IBTK: variants seen among roughly 807,000 people sequenced by gnomAD.
IBTK encodes the protein inhibitor of Bruton tyrosine kinase.
IBTK carries 83 observed loss-of-function variants against 154.9 expected under a neutral mutation model. The observed-to-expected ratio is 0.54, with a 90% CI of 0.45 to 0.64. The LOEUF is 0.64. IBTK is among the 30% of genes least tolerant of loss of function. IBTK has a pLI of 0.00. For synonymous variants in IBTK, 515 were observed against 536.1 expected, an observed-to-expected ratio of 0.96 and a Z score of 0.54; for missense variants, 1,332 against 1,584.6, an observed-to-expected ratio of 0.84 and a Z score of 2.71.
At chr6:82,210,942 A>C (rs571183019) in intron 15 of IBTK, 32 bp from the exon 16 acceptor site, 1 of 1,241,770 alleles carries the variant, frequency 8.1e-7, no homozygotes, top group Admixed American at 2.3e-5. Flanking sequence ...AAAGTAAAAT[A>C]ATTCATTCTA....
chr6:82,226,080 T>C (rs925694411), intron 5 of IBTK, among the ~76,000 whole-genome samples: 1 of 152,226 alleles, frequency 6.6e-6, no homozygotes, highest in African/African-American at 2.4e-5. Context: ...ATCTTACTTC[T>C]GTCACTACCT....
At chr6:82,181,826 C>T (rs2127799226) in intron 26 of IBTK, 53 bp downstream of exon 26, 1 of 1,284,590 alleles carries the variant, frequency 7.8e-7, no homozygotes, top group Non-Finnish European at 1.1e-6. Context: ...CATAAAACCA[C>T]CACAGAATAT....
At chr6:82,215,623 C>T (rs151254437) in intron 11 of IBTK, among the ~76,000 whole-genome samples, 1,646 of 151,876 alleles carry the variant, frequency 0.011, 31 homozygotes, top group African/African-American at 0.037. Flanking sequence ...CCCATCTCTA[C>T]TAAAAATACA....
intron 18 of IBTK, 125 bp downstream of exon 18, chr6:82,202,403 G>A: frequency 1.5e-6 from 1 of 672,686 alleles, no homozygotes; most frequent in Non-Finnish European, 2.6e-6. Context: ...TAAATCATCA[G>A]CATTGATCAA....
intron 2 of IBTK, 89 bp from the exon 3 acceptor site, chr6:82,234,344 T>C (rs557231912): frequency 2.1e-4 from 94 of 438,016 alleles, no homozygotes; most frequent in African/African-American, 1.7e-3. Context: ...TTATTATTTT[T>C]TTTTTTTTGA....
intron 1 of IBTK, among the ~76,000 whole-genome samples, chr6:82,246,269 A>G (rs948572833): frequency 6.6e-6 from 1 of 152,068 alleles, no homozygotes; most frequent in Non-Finnish European, 1.5e-5. Context: ...TGGAGACTCA[A>G]GCGATTCTGC....
chr6:82,189,486 C>G (rs1768682661), intron 25 of IBTK, among the ~76,000 whole-genome samples: 1 of 152,170 alleles, frequency 6.6e-6, no homozygotes, highest in Non-Finnish European at 1.5e-5. Context: ...CTTATACATC[C>G]TTTATCAGAA....
intron 2 of IBTK, among the ~76,000 whole-genome samples, chr6:82,234,626 A>C (rs1770648823): frequency 6.6e-6 from 1 of 151,792 alleles, no homozygotes; most frequent in East Asian, 2.0e-4. Context: ...CTGAGCCACC[A>C]CACCTGGCCG....
chr6:82,216,200 C>G lies in IBTK; in HGVS notation c.1477G>C (p.Asp493His). ...ATTCTTTCATACACACTATTTATAT[C>G]AGAGACATAAGACACATCTGATGAG... ...NSSSDVSYVS[D>H]INSVYERIRL... is the part of the protein sequence containing the mutation. Residue 493 changes from aspartate to histidine, a missense_variant, in exon 11 of 29, where the codon GAT becomes CAT. This residue lies in a region of IBTK where 1,134 missense variants were observed against 1,274.7 expected (regional missense o/e 0.89). Coordinates refer to ENST00000306270, the MANE Select transcript of IBTK (RefSeq NM_015525.4). 1 of 1,609,752 alleles carries G rather than the reference C, an allele frequency of 6.2e-7. No homozygotes were observed. Among genetic ancestry groups the G allele is most frequent in the Non-Finnish European group, 8.5e-7 (1 of 1,178,028 alleles).
chr6:82,194,508 G>A lies in IBTK; in HGVS notation c.3309C>T (p.Ser1103=), dbSNP rs1193168057. 3 of 1,597,468 alleles carry A rather than the reference G, an allele frequency of 1.9e-6. No individual in the cohort carries two copies. The highest frequency in any genetic ancestry group is 1.7e-5 in the Admixed American group (1 of 58,542). The change falls in exon 23 of 29, where the codon AGC becomes AGT. Residue 1103 remains serine (S), a synonymous_variant. Transcript: ENST00000306270. ...PIPSNRIDTT[S]SASWVAGSFS... is the part of the protein sequence containing the mutation. ...AAGAACCAGCAACCCAACTGGCAGA[G>A]CTGGTAGTATCAATTCTGTTACTGG... is the stretch of plus-strand genomic sequence containing the variant.
intron 18 of IBTK, 68 bp from the exon 19 acceptor site, chr6:82,201,550 T>A (rs1392697439): frequency 9.6e-7 from 1 of 1,037,096 alleles, no homozygotes; most frequent in Non-Finnish European, 1.4e-6. Context: ...GTTGCTTACA[T>A]ACGTAGATAT....
At position 82,240,729 on chromosome 6, in the gene IBTK, A is replaced by C; in HGVS notation, c.-243T>G. 2.1e-6 allele frequency: 1 copy of C among 480,586 alleles called. No homozygotes were observed. The highest frequency in any genetic ancestry group is 4.6e-5 in the South Asian group (1 of 21,544). The allele number at this position is 480,586 out of a possible 1,614,324, so 29.8% of individuals were successfully genotyped here. A position where few individuals can be genotyped will look rare whatever the true frequency, so the allele number is the denominator to read the frequency against. On this transcript the variant is annotated 5_prime_UTR_variant, in exon 2 of 29. Coordinates refer to ENST00000306270, the MANE Select transcript of IBTK (RefSeq NM_015525.4). ...ATCAAATACAAGTTCTTCATTTAAAAAAATTCCACAGTTTATAAATTATTC... is the reference window on the plus strand; with the variant it reads ...ATCAAATACAAGTTCTTCATTTAAACAAATTCCACAGTTTATAAATTATTC...
chr6:82,219,026 C>T (rs772793200), intron 9 of IBTK, among the ~76,000 whole-genome samples: 16 of 152,080 alleles, frequency 1.1e-4, no homozygotes, highest in Non-Finnish European at 2.2e-4. Flanking sequence ...TGATACACAT[C>T]CCAAAATCAA....
intron 25 of IBTK, among the ~76,000 whole-genome samples, chr6:82,185,182 C>T (rs1189388204): frequency 4.0e-5 from 2 of 49,930 alleles, no homozygotes; most frequent in African/African-American, 8.2e-5. Context: ...AACTCTGTCT[C>T]AGAAAAAAAA....
At chr6:82,176,705 A>T (rs1238131462) in intron 26 of IBTK, among the ~76,000 whole-genome samples, 1 of 152,194 alleles carries the variant, frequency 6.6e-6, no homozygotes, top group African/African-American at 2.4e-5. Context: ...CCCTCAAACA[A>T]CATTGTCATT....
At chr6:82,195,768 T>C (rs1489199546) in intron 22 of IBTK, among the ~76,000 whole-genome samples, 1 of 152,168 alleles carries the variant, frequency 6.6e-6, no homozygotes, top group Non-Finnish European at 1.5e-5. Flanking sequence ...TGGAATCAAA[T>C]GTTAAGGAGT....
intron 1 of IBTK, among the ~76,000 whole-genome samples, chr6:82,241,753 G>C (rs1770960459): frequency 6.6e-6 from 1 of 152,180 alleles, no homozygotes; most frequent in Admixed American, 6.5e-5. Flanking sequence ...AGAAAAATTT[G>C]CCTCAATATA....
chr6:82,225,428 G>T, intron 6 of IBTK, 49 bp downstream of exon 6: 1 of 1,478,558 alleles, frequency 6.8e-7, no homozygotes, highest in Non-Finnish European at 9.3e-7. Flanking sequence ...TGTTCATACA[G>T]GTTTTATTGC....
Position 82,223,601 on chromosome 6 carries a change from A to G in IBTK, c.963T>C (p.Asn321=), listed in dbSNP as rs1272325137. The change falls in exon 8 of 29, where the codon AAT becomes AAC. Residue 321 remains asparagine, a synonymous_variant. Coordinates refer to ENST00000306270, the MANE Select transcript of IBTK (RefSeq NM_015525.4). ...GGQLGCLLDP[N]GEKCVTAPRQ... is the part of the protein sequence containing the mutation. Reference sequence around the variant, plus strand: ...GAGGAGCAGTTACACACTTTTCTCCATTGGGATCTAGCAAACAACCTAAAA... The same window carrying G: ...GAGGAGCAGTTACACACTTTTCTCCGTTGGGATCTAGCAAACAACCTAAAA... 6.2e-7 allele frequency: 1 copy of G among 1,612,502 alleles called. No homozygotes were observed. Among genetic ancestry groups the G allele is most frequent in the African/African-American group, 1.3e-5 (1 of 74,882 alleles).
Sources: gnomAD v4.1 joint callset for allele counts (sites outside exome capture counted in the v4.1 genomes callset) on GRCh38, gnomAD v4.1.1 for gene constraint, gnomAD v4.1.1 regional missense constraint, MANE v1.5 for transcripts, NCBI Gene and HGNC (gene_info 2026-07-23, HGNC 2026-07-21) for gene names.